Variants in LRRC4C observed in about 807,000 individuals in gnomAD.
The protein encoded by LRRC4C is leucine rich repeat containing 4C, also known as leucine-rich repeat-containing protein 4C.
LRRC4C carries 5 observed loss-of-function variants against 33.6 expected under a neutral mutation model. The ratio of observed to expected loss-of-function variants is 0.15; its 90% CI spans 0.08 to 0.31. The LOEUF is 0.31. LRRC4C is among the 10% of genes least tolerant of loss of function. The pLI is 1.00. For synonymous variants in LRRC4C, 329 were observed against 302.0 expected, an observed-to-expected ratio of 1.09 and a Z score of -0.93; for missense variants, 560 against 796.7, an observed-to-expected ratio of 0.70 and a Z score of 3.58.
chr11:41,458,486 C>T (rs1956238451), intron 1 of LRRC4C, among the ~76,000 whole-genome samples: 1 of 138,496 alleles, frequency 7.2e-6, no homozygotes, highest in Non-Finnish European at 1.5e-5. Flanking sequence ...AATTAAATAA[C>T]TTTGGGATTG....
At chr11:40,160,118 G>T (rs1859033637) in intron 5 of LRRC4C, among the ~76,000 whole-genome samples, 1 of 152,006 alleles carries the variant, frequency 6.6e-6, no homozygotes, top group Admixed American at 6.6e-5. Context: ...GGTCATCCGT[G>T]GTTGTTCATA....
intron 3 of LRRC4C, among the ~76,000 whole-genome samples, chr11:40,582,810 C>T (rs1958533456): frequency 6.8e-6 from 1 of 147,142 alleles, no homozygotes; most frequent in African/African-American, 2.4e-5. Context: ...AGCCCCCACG[C>T]CCAGCCTGTT....
intron 1 of LRRC4C, among the ~76,000 whole-genome samples, chr11:41,264,517 A>G (rs1949086997): frequency 6.6e-6 from 1 of 152,162 alleles, no homozygotes; most frequent in African/African-American, 2.4e-5. Flanking sequence ...AGTTAGAATG[A>G]GAGAAAGGTC....
chr11:41,039,693 C>T (rs1050990780), intron 1 of LRRC4C, among the ~76,000 whole-genome samples: 9 of 152,156 alleles, frequency 5.9e-5, no homozygotes, highest in Non-Finnish European at 1.2e-4. Flanking sequence ...GCTGGACTGA[C>T]TTTCCTACCT....
At chr11:40,770,756 T>C (rs565288234) in intron 2 of LRRC4C, among the ~76,000 whole-genome samples, 2 of 152,278 alleles carry the variant, frequency 1.3e-5, no homozygotes, top group South Asian at 2.1e-4. Context: ...ACAGGCCCCA[T>C]GCAAGTCCAA....
chr11:40,604,422 G>A lies in LRRC4C; in HGVS notation c.-270+43720C>T, dbSNP rs75215476. Reference sequence around the variant, plus strand: ...TTCTCTTATATCTCAGAAGAACTCCGCAAAGTAGAAATTATTGAGCTTGTA... The same window carrying A: ...TTCTCTTATATCTCAGAAGAACTCCACAAAGTAGAAATTATTGAGCTTGTA... On this transcript the variant is annotated intron_variant, in intron 3 of 6. Transcript: ENST00000528697. Among the ~76,000 whole-genome samples the A allele has an allele frequency of 6.2e-3, 950 of 152,094 alleles. 14 individuals are homozygous for A. Among genetic ancestry groups the A allele is most frequent in the African/African-American group, 0.022 (922 of 41,522 alleles).
At chr11:40,547,283 T>C (rs1310725655) in intron 3 of LRRC4C, among the ~76,000 whole-genome samples, 3 of 152,096 alleles carry the variant, frequency 2.0e-5, no homozygotes, top group Non-Finnish European at 4.4e-5. Flanking sequence ...TCCAAAACTT[T>C]TTTTTCATTT....
chr11:41,154,518 G>C (rs1238369196), intron 1 of LRRC4C, among the ~76,000 whole-genome samples: 1 of 152,014 alleles, frequency 6.6e-6, no homozygotes, highest in Non-Finnish European at 1.5e-5. Context: ...AAAATATTTG[G>C]TGAATTAAAT....
chr11:40,994,517 G>T (rs1483204872), intron 1 of LRRC4C, among the ~76,000 whole-genome samples: 1 of 152,068 alleles, frequency 6.6e-6, no homozygotes, highest in Non-Finnish European at 1.5e-5. Context: ...TCACAATTTA[G>T]ACTTGGACCT....
intron 1 of LRRC4C, among the ~76,000 whole-genome samples, chr11:40,999,539 G>C (rs1185920731): frequency 6.6e-6 from 1 of 151,946 alleles, no homozygotes; most frequent in Non-Finnish European, 1.5e-5. Context: ...CTAAAACATG[G>C]GCTCTGATTC....
At chr11:40,236,149 C>A (rs1021180976) in intron 5 of LRRC4C, among the ~76,000 whole-genome samples, 1 of 151,010 alleles carries the variant, frequency 6.6e-6, no homozygotes, top group Admixed American at 6.6e-5. Flanking sequence ...AGCTCTAAGA[C>A]CCAGATTTGG....
In LRRC4C at chr11:40,116,350, A is replaced by C; in HGVS notation, c.-42-16T>G. The C allele has an allele frequency of 6.6e-7, 1 of 1,514,190 alleles. No individual in the cohort carries two copies. Among genetic ancestry groups the C allele is most frequent in the East Asian group, 2.3e-5 (1 of 43,834 alleles). 93.8% of individuals were successfully genotyped at this position (1,514,190 alleles called of 1,614,324 possible). Reference sequence around the variant, plus strand: ...TTCAAACAGTCTGCAAAATACAAGCAAAAAAAACCAATTATTAGATTAGAT... The same window carrying C: ...TTCAAACAGTCTGCAAAATACAAGCCAAAAAAACCAATTATTAGATTAGAT... On this transcript the variant is annotated splice_polypyrimidine_tract_variant and intron_variant, in intron 6 of 6. Transcript: ENST00000528697.
chr11:40,260,476 G>A (rs1404468450), intron 4 of LRRC4C, among the ~76,000 whole-genome samples: 1 of 149,996 alleles, frequency 6.7e-6, no homozygotes, highest in Non-Finnish European at 1.5e-5. Flanking sequence ...AGTGGGTGCA[G>A]CGCACCAGCA....
At chr11:40,537,120 C>A (rs942208706) in intron 3 of LRRC4C, among the ~76,000 whole-genome samples, 1 of 152,080 alleles carries the variant, frequency 6.6e-6, no homozygotes, top group Non-Finnish European at 1.5e-5. Context: ...AAATATATGA[C>A]CTTCAATAAC....
intron 1 of LRRC4C, among the ~76,000 whole-genome samples, chr11:41,406,277 G>A (rs1954227751): frequency 6.6e-6 from 1 of 152,148 alleles, no homozygotes; most frequent in Admixed American, 6.5e-5. Flanking sequence ...AAAAAGCTGA[G>A]ATGACAGTTA....
intron 1 of LRRC4C, among the ~76,000 whole-genome samples, chr11:41,163,938 A>G (rs1944599827): frequency 6.6e-6 from 1 of 152,092 alleles, no homozygotes; most frequent in Non-Finnish European, 1.5e-5. Context: ...TTTTATTTGT[A>G]TTTGTAATTG....
chr11:41,071,197 A>C (rs1240058301), intron 1 of LRRC4C, among the ~76,000 whole-genome samples: 7 of 152,162 alleles, frequency 4.6e-5, no homozygotes, highest in Non-Finnish European at 8.8e-5. Context: ...AGAGTTGAAC[A>C]ATGAGAACAC....
chr11:40,696,765 T>TATAG (rs1271244448), intron 2 of LRRC4C, among the ~76,000 whole-genome samples: 18 of 144,648 alleles, frequency 1.2e-4, no homozygotes, highest in Admixed American at 6.9e-4. Flanking sequence ...TATATATATA[T>TATAG]ATATATATAT....
chr11:40,476,315 A>G (rs1423787622), intron 3 of LRRC4C, among the ~76,000 whole-genome samples: 1 of 151,514 alleles, frequency 6.6e-6, no homozygotes, highest in Non-Finnish European at 1.5e-5. Context: ...AAGGGATGAA[A>G]ACTAATGAGT....
Sources: allele counts gnomAD v4.1 joint callset (sites outside exome capture counted in the v4.1 genomes callset), GRCh38; gene constraint gnomAD v4.1.1; transcripts MANE v1.5; gene names NCBI Gene and HGNC (gene_info 2026-07-23, HGNC 2026-07-21).